TRHDE: variants seen among roughly 807,000 people sequenced by gnomAD.
TRHDE encodes the protein thyrotropin releasing hormone degrading enzyme, also known as thyrotropin-releasing hormone-degrading ectoenzyme.
Under a neutral mutation model 125.7 loss-of-function variants are expected in TRHDE, and 72 were observed. The observed-to-expected ratio is 0.57, with a 90% CI of 0.47 to 0.70. TRHDE has a LOEUF of 0.70. Ranked by LOEUF, TRHDE falls within the 30% of genes least tolerant of loss-of-function variation. The pLI, the probability that TRHDE is intolerant of heterozygous loss-of-function variation, is 0.00. For missense variants in TRHDE, 1,110 were observed against 1,327.1 expected (o/e 0.84, Z 2.54); for synonymous variants, 509 against 509.1 (o/e 1.00, Z 0.00).
At chr12:72,359,580 C>T (rs565121170) in intron 2 of TRHDE, among the ~76,000 whole-genome samples, 15 of 151,704 alleles carry the variant, frequency 9.9e-5, no homozygotes, top group Admixed American at 5.9e-4. Flanking sequence ...AGTATCTAAA[C>T]GCAAATCTAA....
intron 2 of TRHDE, among the ~76,000 whole-genome samples, chr12:72,141,387 C>T (rs184728242): frequency 1.3e-5 from 2 of 152,236 alleles, no homozygotes; most frequent in East Asian, 3.9e-4. Context: ...TTTTTCACTG[C>T]CCCGATAACC....
chr12:72,276,471 T>C (rs1325765216), intron 1 of TRHDE, among the ~76,000 whole-genome samples: 2 of 152,180 alleles, frequency 1.3e-5, no homozygotes, highest in African/African-American at 4.8e-5. Context: ...ATCCTATCAG[T>C]CTGATTCTTC....
intron 3 of TRHDE, among the ~76,000 whole-genome samples, chr12:72,391,179 C>T (rs892157996): frequency 6.6e-6 from 1 of 152,032 alleles, no homozygotes; most frequent in African/African-American, 2.4e-5. Context: ...CATTTTGAGA[C>T]GTTTTAAATG....
At chr12:72,436,172 T>C (rs995064283) in intron 3 of TRHDE, among the ~76,000 whole-genome samples, 6 of 152,060 alleles carry the variant, frequency 3.9e-5, no homozygotes, top group African/African-American at 1.2e-4. Flanking sequence ...CTTCTACTTA[T>C]TGAAAATATT....
intron 2 of TRHDE, among the ~76,000 whole-genome samples, chr12:72,251,269 T>G (rs1878678352): frequency 6.6e-6 from 1 of 152,002 alleles, no homozygotes; most frequent in South Asian, 2.1e-4. Flanking sequence ...GTCCCTTATG[T>G]TGCCCTTATA....
intron 12 of TRHDE, among the ~76,000 whole-genome samples, chr12:72,596,409 T>G (rs2136053534): frequency 6.6e-6 from 1 of 152,270 alleles, no homozygotes; most frequent in African/African-American, 2.4e-5. Context: ...TGTAACACTG[T>G]TTTGCACTAG....
intron 2 of TRHDE, among the ~76,000 whole-genome samples, chr12:72,210,209 C>T (rs948599463): frequency 4.9e-5 from 3 of 61,236 alleles, no homozygotes; most frequent in African/African-American, 2.2e-4. Flanking sequence ...TATCTATCTA[C>T]TTTCTGATAA....
intron 3 of TRHDE, among the ~76,000 whole-genome samples, chr12:72,443,291 C>CTTTA (rs776624621): frequency 4.7e-5 from 7 of 150,430 alleles, no homozygotes; most frequent in Non-Finnish European, 1.0e-4. Context: ...TTCATAACTT[C>CTTTA]TTTATCTTTA....
chr12:72,224,325 G>T (rs1319944959), intron 2 of TRHDE, among the ~76,000 whole-genome samples: 2 of 151,934 alleles, frequency 1.3e-5, no homozygotes, highest in African/African-American at 4.8e-5. Flanking sequence ...AAAATCTCTG[G>T]ACCTTTGCAG....
At chr12:72,317,002 A>T (rs1868833841) in intron 2 of TRHDE, among the ~76,000 whole-genome samples, 2 of 152,186 alleles carry the variant, frequency 1.3e-5, no homozygotes, top group Non-Finnish European at 2.9e-5. Context: ...GTTTTTTATT[A>T]TGCCCTGTAC....
At position 72,659,599 on chromosome 12, in the gene TRHDE, A is replaced by G. The variant is rs190023735; in HGVS notation, c.3066+2591A>G. On this transcript the variant is annotated intron_variant, in intron 18 of 18. Coordinates refer to ENST00000261180, the MANE Select transcript of TRHDE (RefSeq NM_013381.3). The stretch of plus-strand genomic sequence containing the variant: ...ATCTACTCTAAAAATAATTTATCTT[A>G]TGATGTTGATATCTAGGATACCCTG... Among the ~76,000 whole-genome samples the G allele has an allele frequency of 2.1e-4, 32 of 152,338 alleles. No homozygotes were observed. The East Asian group carries it at 5.4e-3, about 26-fold the overall frequency.
intron 18 of TRHDE, 114 bp downstream of exon 18, chr12:72,657,122 C>T (rs538330885): frequency 3.5e-5 from 24 of 681,496 alleles, no homozygotes; most frequent in South Asian, 1.6e-4. Flanking sequence ...TACTTACACA[C>T]GCACACCACA....
At chr12:72,630,810 G>A (rs1873462319) in intron 15 of TRHDE, among the ~76,000 whole-genome samples, 1 of 148,804 alleles carries the variant, frequency 6.7e-6, no homozygotes, top group Non-Finnish European at 1.5e-5. Flanking sequence ...ATTTTTAACT[G>A]TATAGGGAAA....
At chr12:72,128,852 A>C (rs888497763) in intron 2 of TRHDE, among the ~76,000 whole-genome samples, 2 of 152,184 alleles carry the variant, frequency 1.3e-5, no homozygotes, top group Non-Finnish European at 2.9e-5. Flanking sequence ...GGGGTGGGGG[A>C]AATAGAAGGA....
chr12:72,460,926 A>G (rs1004293743), intron 3 of TRHDE, among the ~76,000 whole-genome samples: 1 of 152,156 alleles, frequency 6.6e-6, no homozygotes, highest in Non-Finnish European at 1.5e-5. Flanking sequence ...TTTTCAGGGA[A>G]AAAGGAAATC....
intron 3 of TRHDE, among the ~76,000 whole-genome samples, chr12:72,391,715 C>A (rs1217545567): frequency 1.3e-5 from 2 of 151,986 alleles, no homozygotes. Flanking sequence ...TTGAGATATA[C>A]CGTGTCAATT....
intron 18 of TRHDE, among the ~76,000 whole-genome samples, chr12:72,657,481 T>G (rs1874751375): frequency 6.6e-6 from 1 of 152,184 alleles, no homozygotes; most frequent in Non-Finnish European, 1.5e-5. Flanking sequence ...CTATGTAGCC[T>G]CTTAAATGAA....
At chr12:72,318,818 G>A (rs1297225624) in intron 2 of TRHDE, among the ~76,000 whole-genome samples, 1 of 152,080 alleles carries the variant, frequency 6.6e-6, no homozygotes, top group Non-Finnish European at 1.5e-5. Context: ...CTGGCAGGTG[G>A]TAAAATCTCA....
intron 2 of TRHDE, among the ~76,000 whole-genome samples, chr12:72,223,916 A>G (rs1878049327): frequency 6.7e-6 from 1 of 148,330 alleles, no homozygotes; most frequent in Admixed American, 6.7e-5. Context: ...AGAACCTATC[A>G]TTTTTCTTAC....
Sources: gnomAD v4.1 joint callset for allele counts (sites outside exome capture counted in the v4.1 genomes callset) on GRCh38, gnomAD v4.1.1 for gene constraint, MANE v1.5 for transcripts, NCBI Gene and HGNC (gene_info 2026-07-23, HGNC 2026-07-21) for gene names.